ROR1: variants seen among roughly 807,000 people sequenced by gnomAD.
ROR1 encodes the protein ROR family WNT receptor 1.
ROR1 carries 19 observed loss-of-function variants against 78.8 expected under a neutral mutation model. The observed-to-expected ratio is 0.24, with a 90% CI of 0.17 to 0.35. The LOEUF (loss-of-function observed/expected upper bound fraction) is 0.35. Ranked by LOEUF, ROR1 falls within the 10% of genes least tolerant of loss-of-function variation. The pLI is 1.00. For missense variants in ROR1, 917 were observed against 1,177.8 expected (o/e 0.78, Z 3.24); for synonymous variants, 386 against 433.6 (o/e 0.89, Z 1.36).
intron 4 of ROR1, among the ~76,000 whole-genome samples, chr1:64,118,180 G>A (rs2100683427): frequency 6.6e-6 from 1 of 152,290 alleles, no homozygotes; most frequent in African/African-American, 2.4e-5. Context: ...TCCTGCCTGG[G>A]TGACAGCATG....
rs79098669 is a variant in ROR1, at chr1:63,842,292, G to C, written c.91+67784G>C. On this transcript the variant is annotated intron_variant, in intron 1 of 8. Coordinates refer to ENST00000371079, the MANE Select transcript of ROR1 (RefSeq NM_005012.4). ...TCCATAGATGCTGGCAGAAGGATTC[G>C]TGGGTTAGAGACAAAGAAATTTATT... Among the ~76,000 whole-genome samples, 330 of 152,262 alleles carry C rather than the reference G, an allele frequency of 2.2e-3. 2 individuals carry two copies. The highest frequency in any genetic ancestry group is 7.5e-3 in the African/African-American group (310 of 41,538).
chr1:64,059,708 TAAA>T (rs75359961), intron 4 of ROR1, among the ~76,000 whole-genome samples: 5 of 130,844 alleles, frequency 3.8e-5, no homozygotes, highest in Non-Finnish European at 3.2e-5. Flanking sequence ...GACTCCATCT[TAAA>T]AAAAAAAAAA....
In ROR1 at chr1:64,097,968, C is replaced by T. The variant is rs1463285165; in HGVS notation, c.483-39401C>T. ...AATTTATGCAAAAGGCTGCGTTCTC[C>T]GTCAATTTACACACAATTGCTACTC... On this transcript the variant is annotated intron_variant, in intron 4 of 8. Coordinates refer to ENST00000371079, the MANE Select transcript of ROR1 (RefSeq NM_005012.4). Among the ~76,000 whole-genome samples the T allele has an allele frequency of 3.3e-5, 5 of 152,194 alleles. No individual in the cohort carries two copies. The East Asian group carries it at 5.8e-4, about 18-fold the overall frequency.
chr1:64,104,733 T>C (rs976144635), intron 4 of ROR1, among the ~76,000 whole-genome samples: 2 of 152,170 alleles, frequency 1.3e-5, no homozygotes, highest in Non-Finnish European at 2.9e-5. Context: ...GTTCTTGTGA[T>C]AGTTTGCTGA....
rs535499823 is a variant in ROR1, at chr1:63,813,157, A to C, written c.91+38649A>C. Reference sequence around the variant, plus strand: ...CTCATCATTAGAAGTGCACTTTAAAAAATTCTCTTCCTTAAGGTTCAGCTC... The same window carrying C: ...CTCATCATTAGAAGTGCACTTTAAACAATTCTCTTCCTTAAGGTTCAGCTC... On this transcript the variant is annotated intron_variant, in intron 1 of 8. Coordinates refer to ENST00000371079, the MANE Select transcript of ROR1 (RefSeq NM_005012.4). Among the ~76,000 whole-genome samples, 9 of 152,342 alleles carry C rather than the reference A, an allele frequency of 5.9e-5. No homozygotes were observed. In the South Asian group the frequency reaches 1.7e-3, roughly 28 times the overall value.
intron 1 of ROR1, among the ~76,000 whole-genome samples, chr1:63,836,589 C>G (rs963285247): frequency 1.3e-5 from 2 of 152,172 alleles, no homozygotes; most frequent in African/African-American, 4.8e-5. Context: ...GAAAGAGGAA[C>G]AGACACTGTA....
chr1:64,085,818 C>T (rs919095998), intron 4 of ROR1, among the ~76,000 whole-genome samples: 2 of 152,058 alleles, frequency 1.3e-5, no homozygotes, highest in African/African-American at 4.8e-5. Context: ...AAACCATGTG[C>T]TCAGCAGCCT....
In ROR1 at chr1:64,068,730, G is replaced by A. The variant is rs116115577; in HGVS notation, c.482+18014G>A. Among the ~76,000 whole-genome samples, 366 of 152,246 alleles carry A rather than the reference G, an allele frequency of 2.4e-3. 1 individual carries two copies. Among genetic ancestry groups the A allele is most frequent in the Non-Finnish European group, 3.9e-3 (267 of 68,024 alleles). ...CCTAATGGCTAGAGTACCATCCATT[G>A]TGATAGAAATTTTTTTTTCATACCT... On this transcript the variant is annotated intron_variant, in intron 4 of 8. Transcript: ENST00000371079.
rs1035644636 is a variant in ROR1 at position 64,156,389 on chromosome 1, G to A, written c.1175-2592G>A. Among the ~76,000 whole-genome samples the A allele has an allele frequency of 2.6e-5, 4 of 152,216 alleles. No individual in the cohort carries two copies. In the South Asian group the frequency reaches 8.3e-4, roughly 32 times the overall value. On this transcript the variant is annotated intron_variant, in intron 7 of 8. Transcript: ENST00000371079. ...TGGTGCAACCAGCACTGACTACGACGGCCTCCAGTGATGCCTGGGTTATAT... is the reference window on the plus strand; with the variant it reads ...TGGTGCAACCAGCACTGACTACGACAGCCTCCAGTGATGCCTGGGTTATAT...
intron 1 of ROR1, among the ~76,000 whole-genome samples, chr1:63,805,267 C>G (rs969890620): frequency 6.6e-6 from 1 of 152,170 alleles, no homozygotes; most frequent in Non-Finnish European, 1.5e-5. Context: ...CAGGCTTGGC[C>G]GTGGGTGTAG....
chr1:63,841,662 G>A (rs1428084397), intron 1 of ROR1, among the ~76,000 whole-genome samples: 4 of 152,170 alleles, frequency 2.6e-5, no homozygotes, highest in Non-Finnish European at 4.4e-5. Flanking sequence ...AACCATTGAA[G>A]CAATTTTAAT....
In ROR1 at chr1:64,130,647, A is replaced by G. The variant is rs116149300; in HGVS notation, c.483-6722A>G. 4.5e-3 allele frequency among the ~76,000 whole-genome samples: 689 copies of G among 152,294 alleles called. 5 individuals carry two copies. The highest frequency in any genetic ancestry group is 0.014 in the Middle Eastern group (4 of 292). On this transcript the variant is annotated intron_variant, in intron 4 of 8. Transcript: ENST00000371079. ...TAACTAAGGTTGCTTCCAGGCTTGA[A>G]GTCTCCTCCAGAAGAGGAAGGAGGT...
At chr1:64,020,574 C>T (rs1646556972) in intron 2 of ROR1, among the ~76,000 whole-genome samples, 1 of 152,100 alleles carries the variant, frequency 6.6e-6, no homozygotes, top group Non-Finnish European at 1.5e-5. Flanking sequence ...AAAAATAAGA[C>T]TTATCCTGGA....
chr1:64,019,249 G>A (rs910405334), intron 2 of ROR1, among the ~76,000 whole-genome samples: 1 of 152,178 alleles, frequency 6.6e-6, no homozygotes, highest in African/African-American at 2.4e-5. Flanking sequence ...ATAGGTGCTT[G>A]GCACTTTGTC....
chr1:63,840,575 C>T (rs1645043777), intron 1 of ROR1, among the ~76,000 whole-genome samples: 1 of 152,086 alleles, frequency 6.6e-6, no homozygotes, highest in African/African-American at 2.4e-5. Flanking sequence ...AGCCACTGCA[C>T]CTGGCCTTGT....
intron 2 of ROR1, among the ~76,000 whole-genome samples, chr1:64,012,239 G>A (rs764704239): frequency 5.3e-5 from 8 of 152,144 alleles, no homozygotes; most frequent in Non-Finnish European, 8.8e-5. Context: ...AACTCCCTGC[G>A]TTAGGATATG....
chr1:64,058,597 G>GTTT (rs36125066), intron 4 of ROR1, among the ~76,000 whole-genome samples: 272 of 147,426 alleles, frequency 1.8e-3, no homozygotes, highest in Non-Finnish European at 2.6e-3. Context: ...ATCGTGGTGG[G>GTTT]TTTTTTTTTG....
intron 2 of ROR1, among the ~76,000 whole-genome samples, chr1:64,022,285 G>A (rs1460319571): frequency 6.6e-6 from 1 of 152,094 alleles, no homozygotes; most frequent in African/African-American, 2.4e-5. Flanking sequence ...TTTCCTTTTG[G>A]GCTGCCAGAT....
chr1:63,937,853 A>T (rs755650376), intron 1 of ROR1, among the ~76,000 whole-genome samples: 4 of 152,214 alleles, frequency 2.6e-5, no homozygotes, highest in Non-Finnish European at 5.9e-5. Flanking sequence ...TACTTGTTCC[A>T]GTGTTAATAT....
Sources: allele counts gnomAD v4.1 joint callset (sites outside exome capture counted in the v4.1 genomes callset), GRCh38; gene constraint gnomAD v4.1.1; transcripts MANE v1.5; gene names NCBI Gene and HGNC (gene_info 2026-07-23, HGNC 2026-07-21).